Variants in RIN3 observed in about 807,000 individuals in gnomAD.
The protein encoded by RIN3 is Ras and Rab interactor 3, also known as RAB5 interacting protein 3.
In RIN3, 54 loss-of-function variants were observed where a neutral mutation model predicts 76.3. The observed-to-expected ratio is 0.71, with a 90% CI of 0.57 to 0.89. The LOEUF is 0.89. Ranked by LOEUF, RIN3 falls within the 40% of genes least tolerant of loss-of-function variation. The pLI is 0.00. For synonymous variants in RIN3, 576 were observed against 564.0 expected (o/e 1.02, Z -0.30); for missense variants, 1,256 against 1,322.1 (o/e 0.95, Z 0.78).
chr14:92,651,871 G>A lies in RIN3; in HGVS notation c.822G>A (p.Arg274=). 6.2e-7 allele frequency: 1 copy of A among 1,607,184 alleles called. No homozygotes were observed. The highest frequency in any genetic ancestry group is 1.1e-5 in the South Asian group (1 of 90,654). ...PTSDATSPTS[R]WAPRRPPPPP... ...CTGATGCCACCTCACCCACCTCCAGGTGGGCCCCACGCCGCCCACCACCCC... is the reference window on the plus strand; with the variant it reads ...CTGATGCCACCTCACCCACCTCCAGATGGGCCCCACGCCGCCCACCACCCC... The change falls in exon 6 of 10, where the codon AGG becomes AGA. Residue 274 remains arginine, a synonymous_variant. Transcript: ENST00000216487.
intron 1 of RIN3, among the ~76,000 whole-genome samples, chr14:92,521,801 A>G (rs1382956279): frequency 6.6e-6 from 1 of 152,234 alleles, no homozygotes; most frequent in African/African-American, 2.4e-5. Context: ...ATATGTGCGT[A>G]TTTAAAGCAC....
chr14:92,565,227 A>T (rs1262976063), intron 2 of RIN3, among the ~76,000 whole-genome samples: 1 of 152,002 alleles, frequency 6.6e-6, no homozygotes, highest in Non-Finnish European at 1.5e-5. Flanking sequence ...TGCCCTTTTG[A>T]TTCATGGAGC....
At chr14:92,577,324 T>C (rs544874438) in intron 2 of RIN3, 36 bp from the exon 3 acceptor site, 28 of 1,486,930 alleles carry the variant, frequency 1.9e-5, no homozygotes, top group Non-Finnish European at 2.5e-5. Context: ...CCCAAATCTT[T>C]AATTCACGGA....
At chr14:92,638,152 G>T (rs1354932334) in intron 4 of RIN3, among the ~76,000 whole-genome samples, 1 of 152,208 alleles carries the variant, frequency 6.6e-6, no homozygotes, top group Non-Finnish European at 1.5e-5. Context: ...TGAGACCCTT[G>T]CACCCCAGGT....
intron 5 of RIN3, among the ~76,000 whole-genome samples, chr14:92,647,097 C>G (rs961358252): frequency 1.3e-5 from 2 of 152,152 alleles, no homozygotes; most frequent in African/African-American, 2.4e-5. Flanking sequence ...ACTCATTTTC[C>G]TATGAGAAGA....
chr14:92,599,177 C>T (rs1377988994), intron 3 of RIN3, among the ~76,000 whole-genome samples: 2 of 152,108 alleles, frequency 1.3e-5, no homozygotes, highest in Non-Finnish European at 2.9e-5. Context: ...CCTGGGGAAC[C>T]CCAGCGAAGG....
chr14:92,650,056 G>A (rs1452367081), intron 5 of RIN3, among the ~76,000 whole-genome samples: 1 of 152,222 alleles, frequency 6.6e-6, no homozygotes, highest in Non-Finnish European at 1.5e-5. Flanking sequence ...GCGAGCACAC[G>A]CTTGGCTGCT....
intron 7 of RIN3, among the ~76,000 whole-genome samples, chr14:92,660,881 C>T (rs1474603095): frequency 6.6e-6 from 1 of 152,192 alleles, no homozygotes; most frequent in Non-Finnish European, 1.5e-5. Flanking sequence ...CAGGATTCAT[C>T]CCTTCAGCTG....
chr14:92,607,493 G>T (rs1287948947), intron 3 of RIN3, among the ~76,000 whole-genome samples: 2 of 152,194 alleles, frequency 1.3e-5, no homozygotes, highest in Non-Finnish European at 2.9e-5. Flanking sequence ...GTGCATGCCT[G>T]TGGTTCCAGG....
intron 3 of RIN3, among the ~76,000 whole-genome samples, chr14:92,607,246 G>A (rs145066481): frequency 6.6e-6 from 1 of 152,326 alleles, no homozygotes; most frequent in Non-Finnish European, 1.5e-5. Flanking sequence ...AAAAAGTAGG[G>A]ATAACATTAA....
intron 3 of RIN3, among the ~76,000 whole-genome samples, chr14:92,596,016 T>C (rs1473746547): frequency 1.3e-5 from 2 of 152,240 alleles, no homozygotes; most frequent in African/African-American, 4.8e-5. Context: ...TCTCCCCTTA[T>C]CTGCCCAGGA....
intron 1 of RIN3, among the ~76,000 whole-genome samples, chr14:92,550,931 G>A (rs1298597963): frequency 6.6e-6 from 1 of 152,228 alleles, no homozygotes. Flanking sequence ...AAAGAACTTT[G>A]CAGTAAACAC....
intron 3 of RIN3, among the ~76,000 whole-genome samples, chr14:92,610,582 T>A (rs1158899473): frequency 1.3e-5 from 2 of 152,106 alleles, no homozygotes; most frequent in African/African-American, 4.8e-5. Context: ...TGATGGGCAT[T>A]TTGGGCAGTG....
chr14:92,635,341 G>C (rs1470588959), intron 4 of RIN3, among the ~76,000 whole-genome samples: 1 of 152,148 alleles, frequency 6.6e-6, no homozygotes, highest in African/African-American at 2.4e-5. Flanking sequence ...GGAGGACTGG[G>C]GTGTTTACTG....
At chr14:92,544,533 ACT>A (rs1465512223) in intron 1 of RIN3, among the ~76,000 whole-genome samples, 4 of 150,276 alleles carry the variant, frequency 2.7e-5, no homozygotes, top group African/African-American at 9.8e-5. Flanking sequence ...CCAACATGGG[ACT>A]CTCTGACTTC....
At chr14:92,629,968 C>T (rs1376907218) in intron 4 of RIN3, among the ~76,000 whole-genome samples, 6 of 152,182 alleles carry the variant, frequency 3.9e-5, no homozygotes, top group East Asian at 3.8e-4. Context: ...TGTTATGACA[C>T]GTTAGGCTCT....
At chr14:92,521,549 T>C (rs1333019069) in intron 1 of RIN3, among the ~76,000 whole-genome samples, 3 of 152,106 alleles carry the variant, frequency 2.0e-5, no homozygotes, top group Non-Finnish European at 4.4e-5. Context: ...TACAAGAGCC[T>C]GGCACCTCCC....
chr14:92,625,684 C>G (rs1351350585), intron 4 of RIN3, among the ~76,000 whole-genome samples: 1 of 152,178 alleles, frequency 6.6e-6, no homozygotes, highest in Non-Finnish European at 1.5e-5. Flanking sequence ...CTCCCCCATA[C>G]TCTTTAGAGG....
At chr14:92,618,053 G>C (rs74321366) in intron 4 of RIN3, among the ~76,000 whole-genome samples, 1 of 152,130 alleles carries the variant, frequency 6.6e-6, no homozygotes, top group South Asian at 2.1e-4. Context: ...CCAATGTTTC[G>C]TTTCTGACTG....
Sources: gnomAD v4.1 joint callset for allele counts (sites outside exome capture counted in the v4.1 genomes callset) on GRCh38, gnomAD v4.1.1 for gene constraint, MANE v1.5 for transcripts, NCBI Gene and HGNC (gene_info 2026-07-23, HGNC 2026-07-21) for gene names.